Variants in C13orf46 observed in about 807,000 individuals in gnomAD.
C13orf46 encodes the protein chromosome 13 open reading frame 46, also known as uncharacterized protein C13orf46.
chr13:113,945,669 A>AAAGAAAGAAAGAAAGAAAGG, the C13orf46 span, among the ~76,000 whole-genome samples: 3 of 131,950 alleles, frequency 2.3e-5, no homozygotes, highest in African/African-American at 8.7e-5. Flanking sequence ...AGAAAGAAAG[A>AAAGAAAGAAAGAAAGAAAGG]AAGGAAAGAA....
At chr13:113,933,130 G>C in the C13orf46 span, among the ~76,000 whole-genome samples, 7 of 152,344 alleles carry the variant, frequency 4.6e-5, no homozygotes, top group Admixed American at 1.3e-4. Context: ...TTCCCAAAGT[G>C]CTGGGATTAC....
At chr13:113,972,519 C>T (rs1356479250) in intron 1 of C13orf46, among the ~76,000 whole-genome samples, 1 of 152,162 alleles carries the variant, frequency 6.6e-6, no homozygotes, top group Non-Finnish European at 1.5e-5. Context: ...AGCGCCAGCT[C>T]GCAGCTCCGT....
chr13:113,957,579 G>T (rs2052548739), intron 6 of C13orf46, among the ~76,000 whole-genome samples: 3 of 115,624 alleles, frequency 2.6e-5, no homozygotes, highest in South Asian at 3.0e-4. Context: ...GCACTGGGGG[G>T]TCTCCCCTGC....
chr13:113,945,429 C>T, the C13orf46 span, among the ~76,000 whole-genome samples: 1 of 151,864 alleles, frequency 6.6e-6, no homozygotes, highest in Admixed American at 6.6e-5. Context: ...CCTGCAGTCC[C>T]AGCTACTCAG....
In C13orf46 at chr13:113,970,878, C is replaced by A. The variant is rs1442833762; in HGVS notation, c.191-656G>T. Among the ~76,000 whole-genome samples, 4 of 152,216 alleles carry A rather than the reference C, an allele frequency of 2.6e-5. No homozygotes were observed. The East Asian group carries it at 7.7e-4, about 29-fold the overall frequency. ...GGTGCTCTGGTGCTCCCGGCAGGAA[C>A]CCAAGCCTGGCTGTTGGCCACCGGC... On this transcript the variant is annotated intron_variant, in intron 1 of 6. Coordinates refer to ENST00000636427, the MANE Select transcript of C13orf46 (RefSeq NM_001365455.2).
rs1244955542 is a variant in C13orf46, at chr13:113,956,046, G to C, written c.*727C>G. On this transcript the variant is annotated 3_prime_UTR_variant, in exon 7 of 7. Transcript: ENST00000636427. The stretch of plus-strand genomic sequence containing the variant: ...AGGAGGAGTAGGATCTGGCAGAGAG[G>C]AGTAGGATCTGGCGGAGAGGAGGAG... 2 of 163,062 alleles carry C rather than the reference G, an allele frequency of 1.2e-5. No homozygotes were observed. Among genetic ancestry groups the C allele is most frequent in the Non-Finnish European group, 2.6e-5 (2 of 75,478 alleles). 10.1% of individuals were successfully genotyped at this position (163,062 alleles called of 1,614,324 possible).
downstream of C13orf46, among the ~76,000 whole-genome samples, chr13:113,950,413 G>A (rs1372416533): frequency 6.8e-6 from 1 of 147,022 alleles, no homozygotes; most frequent in Non-Finnish European, 1.5e-5. Context: ...CCCACCTTGG[G>A]GACCTCACTG....
Position 113,956,532 on chromosome 13 carries a change from C to G in C13orf46, c.*241G>C, listed in dbSNP as rs1429725459. On this transcript the variant is annotated 3_prime_UTR_variant, in exon 7 of 7. Transcript: ENST00000636427. ...TCACACCTGGTGTGGTCATCGGCAC[C>G]CCAGCGTTGCTCAGAGCTGGCGGGA... 1.3e-5 allele frequency: 2 copies of G among 153,008 alleles called. No homozygotes were observed. The highest frequency in any genetic ancestry group is 4.8e-5 in the African/African-American group (2 of 41,424). 9.5% of individuals were successfully genotyped at this position (153,008 alleles called of 1,614,324 possible).
chr13:113,941,602 G>T, the C13orf46 span, among the ~76,000 whole-genome samples: 1 of 152,224 alleles, frequency 6.6e-6, no homozygotes, highest in Non-Finnish European at 1.5e-5. Context: ...ACCCAGGAAC[G>T]TGCTGGAAAC....
chr13:113,932,765 A>G, the C13orf46 span, among the ~76,000 whole-genome samples: 6 of 152,150 alleles, frequency 3.9e-5, 1 homozygote, highest in Admixed American at 2.0e-4. Flanking sequence ...TTTGTGTTCT[A>G]TTTAAAAAAC....
intron 1 of C13orf46, among the ~76,000 whole-genome samples, chr13:113,971,863 G>A (rs758143983): frequency 6.6e-6 from 1 of 152,234 alleles, no homozygotes; most frequent in African/African-American, 2.4e-5. Flanking sequence ...GGCTGGAAAT[G>A]CCTCCTGCTC....
chr13:113,955,295 G>GGAT lies in C13orf46; in HGVS notation c.*1477_*1478insATC. 2 of 187,226 alleles carry GGAT rather than the reference G, an allele frequency of 1.1e-5. No homozygotes were observed. The highest frequency in any genetic ancestry group is 2.2e-5 in the Non-Finnish European group (2 of 91,688). The allele number at this position is 187,226 out of a possible 1,614,324, so 11.6% of individuals were successfully genotyped here. A position where few individuals can be genotyped will look rare whatever the true frequency, so the allele number is the denominator to read the frequency against. On this transcript the variant is annotated 3_prime_UTR_variant, in exon 7 of 7. Coordinates refer to ENST00000636427, the MANE Select transcript of C13orf46 (RefSeq NM_001365455.2). ...GAGGAGTAGTATCTGGCGGAGAGGA[G>GGAT]TAGTATCTGGCAGAGAGGAGTAGTA...
downstream of C13orf46, among the ~76,000 whole-genome samples, chr13:113,951,498 C>T (rs1220864457): frequency 1.3e-5 from 2 of 152,122 alleles, no homozygotes; most frequent in Non-Finnish European, 2.9e-5. Flanking sequence ...CAGCACTGCC[C>T]ACTCGGGGGA....
chr13:113,940,341 G>GAT, the C13orf46 span, among the ~76,000 whole-genome samples: 2 of 152,252 alleles, frequency 1.3e-5, no homozygotes, highest in Non-Finnish European at 2.9e-5. Flanking sequence ...TGGCGGGGTG[G>GAT]ATGCCAGCCG....
chr13:113,933,787 G>C, the C13orf46 span, among the ~76,000 whole-genome samples: 2 of 152,182 alleles, frequency 1.3e-5, no homozygotes, highest in Non-Finnish European at 2.9e-5. Flanking sequence ...ATAGTACAGA[G>C]GGGTCCCACA....
At chr13:113,941,509 A>G in the C13orf46 span, among the ~76,000 whole-genome samples, 21 of 103,032 alleles carry the variant, frequency 2.0e-4, no homozygotes, top group Middle Eastern at 9.8e-3. Flanking sequence ...CGAGACCCTG[A>G]TCTCCTCTGG....
At chr13:113,945,646 A>AAGAAAGAAAGAAAGAG in the C13orf46 span, among the ~76,000 whole-genome samples, 2 of 138,204 alleles carry the variant, frequency 1.4e-5, no homozygotes, top group East Asian at 4.0e-4. Context: ...GAAAGAAAGA[A>AAGAAAGAAAGAAAGAG]AGAAAGAAAG....
intron 2 of C13orf46, among the ~76,000 whole-genome samples, chr13:113,969,156 G>T (rs1030662647): frequency 1.3e-5 from 2 of 152,276 alleles, no homozygotes; most frequent in Non-Finnish European, 2.9e-5. Flanking sequence ...AGGCTGGAGG[G>T]TCCACGGTTG....
chr13:113,927,776 C>A, the C13orf46 span: 1 of 395,998 alleles, frequency 2.5e-6, no homozygotes, highest in Non-Finnish European at 4.4e-6. Flanking sequence ...GACTCCCACT[C>A]GGAGGATGAT....
Sources: allele counts gnomAD v4.1 joint callset (sites outside exome capture counted in the v4.1 genomes callset), GRCh38; gene constraint gnomAD v4.1.1; transcripts MANE v1.5; gene names NCBI Gene and HGNC (gene_info 2026-07-23, HGNC 2026-07-21).